Variants in NHERF2 observed in about 807,000 individuals in gnomAD.
NHERF2 encodes Na(+)/H(+) exchange regulatory cofactor NHE-RF2.
chr16:2,038,406 CCCCTTCCCCT>C, the NHERF2 span: 1,123 of 128,158 alleles, frequency 8.8e-3, 6 homozygotes, highest in East Asian at 0.093. Context: ...AGAGACCCCC[CCCCTTCCCCT>C]CCCCCTTCCC....
the NHERF2 span, among the ~76,000 whole-genome samples, chr16:2,032,102 C>G: frequency 6.6e-6 from 1 of 151,432 alleles, no homozygotes; most frequent in Non-Finnish European, 1.5e-5. This position sits in a 1 kb window ranked among gnomAD's most constrained non-coding sequence, Gnocchi z 4.0. Context: ...TCACTGCAAG[C>G]TCCGCCTCCT....
chr16:2,030,663 G>A, the NHERF2 span, among the ~76,000 whole-genome samples: 2 of 150,936 alleles, frequency 1.3e-5, no homozygotes, highest in South Asian at 2.1e-4. Context: ...CCCTGGCCGG[G>A]TGCGGTGGCT....
the NHERF2 span, chr16:2,036,556 T>C: frequency 6.5e-7 from 1 of 1,535,130 alleles, no homozygotes; most frequent in Non-Finnish European, 8.8e-7. Flanking sequence ...CTGTCCACAC[T>C]GGGGCCCTGG....
At chr16:2,038,165 G>T in the NHERF2 span, 1 of 680,916 alleles carries the variant, frequency 1.5e-6, no homozygotes, top group South Asian at 1.9e-5. Flanking sequence ...GGGGCCTGTG[G>T]CAGCAAGATA....
At chr16:2,029,030 A>G in the NHERF2 span, among the ~76,000 whole-genome samples, 1 of 152,172 alleles carries the variant, frequency 6.6e-6, no homozygotes, top group African/African-American at 2.4e-5. Context: ...GCCCATGGCC[A>G]TGGCCTGGAG....
At chr16:2,032,941 G>T in the NHERF2 span, 1 of 1,088,474 alleles carries the variant, frequency 9.2e-7, no homozygotes, top group South Asian at 2.4e-5. The surrounding 1 kb of genome is among the most constrained non-coding windows in gnomAD (Gnocchi z 4.0). Context: ...CAGTTCTGCG[G>T]GAGGCGGCTG....
At chr16:2,029,561 C>G in the NHERF2 span, 10 of 1,555,126 alleles carry the variant, frequency 6.4e-6, no homozygotes, top group African/African-American at 1.4e-5. Flanking sequence ...CTGACCCGCT[C>G]CTATCGCCCA....
At chr16:2,035,485 C>G in the NHERF2 span, 2 of 986,060 alleles carry the variant, frequency 2.0e-6, no homozygotes, top group South Asian at 4.7e-5. Context: ...CCTGCACAGT[C>G]TCCCCTGCGC....
At chr16:2,036,858 C>T in the NHERF2 span, 1 of 1,611,516 alleles carries the variant, frequency 6.2e-7, no homozygotes, top group Non-Finnish European at 8.5e-7. Context: ...CTTCGGGTCA[C>T]ACCCACCGAG....
the NHERF2 span, among the ~76,000 whole-genome samples, chr16:2,031,673 C>CA: frequency 6.6e-6 from 1 of 152,152 alleles, no homozygotes; most frequent in Non-Finnish European, 1.5e-5. Context: ...ACAGGGGCTC[C>CA]AGGAGGTCAG....
At chr16:2,036,059 G>T in the NHERF2 span, 2 of 483,892 alleles carry the variant, frequency 4.1e-6, no homozygotes, top group East Asian at 6.7e-5. Context: ...CGCTGGCCTC[G>T]AGCCAAAGGA....
the NHERF2 span, chr16:2,036,680 G>C: frequency 6.3e-7 from 1 of 1,599,354 alleles, no homozygotes; most frequent in Admixed American, 1.7e-5. Context: ...CGCGGCGTTG[G>C]GGGCTGTCTG....
chr16:2,027,672 G>T, the NHERF2 span, among the ~76,000 whole-genome samples: 15 of 152,218 alleles, frequency 9.9e-5, no homozygotes, highest in Admixed American at 3.3e-4. Flanking sequence ...CGCAGTAAAG[G>T]CATCAGTGTG....
the NHERF2 span, chr16:2,037,127 T>A: frequency 1.8e-6 from 2 of 1,130,682 alleles, no homozygotes; most frequent in Non-Finnish European, 2.5e-6. Flanking sequence ...CCCTGTCACC[T>A]CCCTTTAATG....
chr16:2,037,597 T>C, the NHERF2 span: 5 of 1,612,472 alleles, frequency 3.1e-6, no homozygotes, highest in Non-Finnish European at 4.2e-6. Context: ...ACAAGGACAC[T>C]GAGGTATGGA....
At chr16:2,036,476 C>A in the NHERF2 span, 1 of 1,598,118 alleles carries the variant, frequency 6.3e-7, no homozygotes, top group East Asian at 2.3e-5. Flanking sequence ...CCCGCTCTGG[C>A]CTCCGCGCCC....
At chr16:2,038,208 T>TCAGAGA in the NHERF2 span, 24 of 595,690 alleles carry the variant, frequency 4.0e-5, no homozygotes, top group African/African-American at 4.0e-4. Context: ...TGAGAGAGAG[T>TCAGAGA]CAGAGACAGA....
the NHERF2 span, among the ~76,000 whole-genome samples, chr16:2,029,201 G>A: frequency 3.9e-5 from 6 of 152,204 alleles, no homozygotes; most frequent in Admixed American, 2.0e-4. Flanking sequence ...ATGCATGCGC[G>A]CACAGGGACA....
At chr16:2,035,616 CT>C in the NHERF2 span, 1 of 986,498 alleles carries the variant, frequency 1.0e-6, no homozygotes, top group Non-Finnish European at 1.2e-6. Context: ...GGCCCACCCC[CT>C]GGCTGGGAGG....
Sources: allele counts gnomAD v4.1 joint callset (sites outside exome capture counted in the v4.1 genomes callset), GRCh38; gene constraint gnomAD v4.1.1; non-coding constraint Gnocchi (gnomAD v3.1); transcripts MANE v1.5; gene names NCBI Gene and HGNC (gene_info 2026-07-23, HGNC 2026-07-21).